Variants in WDR27 observed in about 807,000 individuals in gnomAD.
WDR27 encodes the protein WD repeat-containing protein 27.
A neutral mutation model predicts 114.4 loss-of-function variants in WDR27; 100 were observed. The ratio of observed to expected loss-of-function variants is 0.87; its 90% CI spans 0.74 to 1.03. The LOEUF (loss-of-function observed/expected upper bound fraction) is 1.03. Among genes scored for constraint, WDR27 ranks in the 50% least tolerant of loss-of-function variants. WDR27 has a pLI of 0.00. For synonymous variants in WDR27, 449 were observed against 423.1 expected (o/e 1.06, Z -0.75); for missense variants, 1,129 against 1,092.9 (o/e 1.03, Z -0.47).
At chr6:169,441,093 T>C in the WDR27 span, among the ~76,000 whole-genome samples, 4 of 152,186 alleles carry the variant, frequency 2.6e-5, no homozygotes, top group Admixed American at 6.5e-5. Flanking sequence ...TTTGAGATTA[T>C]TGACAATGCC....
intron 25 of WDR27, among the ~76,000 whole-genome samples, chr6:169,479,681 T>A (rs939791702): frequency 1.2e-4 from 18 of 152,274 alleles, no homozygotes; most frequent in Non-Finnish European, 1.2e-4. Flanking sequence ...TTATAACTAC[T>A]TATCAGCATT....
Position 169,602,309 on chromosome 6 carries a change from G to C in WDR27, c.2334C>G (p.His778Gln). ...AGCCGCGGGTTGGATGCCCTTCAAA[G>C]TGGCGCTCACACCTACAGGGAGGAA... ...WDLRTLRCER[H>Q]FEGHPTRGYP... Residue 778 changes from histidine to glutamine, a missense_variant, in exon 23 of 26, where the codon CAC becomes CAG. Physicochemically the swap from His to Gln is conservative, Grantham distance 24. Coordinates refer to ENST00000448612, the MANE Select transcript of WDR27 (RefSeq NM_182552.5). 1.3e-6 allele frequency: 2 copies of C among 1,552,340 alleles called. No homozygotes were observed. The highest frequency in any genetic ancestry group is 1.7e-6 in the Non-Finnish European group (2 of 1,144,812).
At chr6:169,617,331 T>C (rs1812093087) in intron 21 of WDR27, among the ~76,000 whole-genome samples, 1 of 152,162 alleles carries the variant, frequency 6.6e-6, no homozygotes, top group Non-Finnish European at 1.5e-5. Flanking sequence ...ATTGGTTCAA[T>C]CAAGTGTGAC....
intron 25 of WDR27, among the ~76,000 whole-genome samples, chr6:169,554,155 G>A (rs1196241500): frequency 2.0e-5 from 3 of 152,224 alleles, no homozygotes; most frequent in Non-Finnish European, 2.9e-5. Context: ...ACAGCAAAGG[G>A]CAGAGCTGAG....
chr6:169,588,899 A>G (rs1050302135), intron 23 of WDR27, among the ~76,000 whole-genome samples: 3 of 152,214 alleles, frequency 2.0e-5, no homozygotes, highest in Non-Finnish European at 4.4e-5. Flanking sequence ...TGAGGAAACC[A>G]TGACAGGTAG....
intron 25 of WDR27, among the ~76,000 whole-genome samples, chr6:169,548,755 C>G (rs1172327685): frequency 6.6e-6 from 1 of 152,146 alleles, no homozygotes; most frequent in Non-Finnish European, 1.5e-5. Context: ...CACATAAATA[C>G]AGCCAACAGA....
intron 17 of WDR27, among the ~76,000 whole-genome samples, chr6:169,641,873 G>A (rs1819268294): frequency 6.6e-6 from 1 of 152,256 alleles, no homozygotes; most frequent in African/African-American, 2.4e-5. Flanking sequence ...CGCGCAGCGC[G>A]CTCAGAAGCC....
At chr6:169,521,596 C>T (rs1409067838) in intron 25 of WDR27, among the ~76,000 whole-genome samples, 1 of 151,996 alleles carries the variant, frequency 6.6e-6, no homozygotes, top group Non-Finnish European at 1.5e-5. Context: ...ATAGCTACAG[C>T]GGCCTTTTAA....
intron 22 of WDR27, among the ~76,000 whole-genome samples, chr6:169,611,778 A>G (rs1584568885): frequency 6.6e-6 from 1 of 152,134 alleles, no homozygotes; most frequent in African/African-American, 2.4e-5. Context: ...TCCCCTCCAC[A>G]TCTGGTCCCA....
At position 169,636,436 on chromosome 6, in the gene WDR27, T is replaced by C. The variant is rs751289865; in HGVS notation, c.1938A>G (p.Leu646=). 6 of 1,613,856 alleles carry C rather than the reference T, an allele frequency of 3.7e-6. No individual in the cohort carries two copies. Among genetic ancestry groups the C allele is most frequent in the African/African-American group, 1.3e-5 (1 of 74,936 alleles). Residue 646 remains leucine (L), a synonymous_variant, in exon 19 of 26, where the codon TTA becomes TTG. Transcript: ENST00000448612. ...QFYYIDAFIL[L]SSGPEFQLLR... is the part of the protein sequence containing the mutation. ...GTAGCTGAAATTCAGGGCCAGAAGA[T>C]AACAATATAAAGGCATCTATATAAT...
At chr6:169,632,582 CA>C (rs11395642) in intron 21 of WDR27, among the ~76,000 whole-genome samples, 1 of 151,850 alleles carries the variant, frequency 6.6e-6, no homozygotes. Flanking sequence ...CCTCCACCTT[CA>C]AAAAAAAGCT....
At chr6:169,663,838 T>C in intron 8 of WDR27, 1 of 326,482 alleles carries the variant, frequency 3.1e-6, no homozygotes, top group East Asian at 6.7e-5. Context: ...TCATGCAGTG[T>C]ACCTTTCTGA....
chr6:169,659,121 G>A lies in WDR27; in HGVS notation c.1284C>T (p.Cys428=). 6.3e-7 allele frequency: 1 copy of A among 1,598,272 alleles called. No homozygotes were observed. Among genetic ancestry groups the A allele is most frequent in the Non-Finnish European group, 8.5e-7 (1 of 1,173,212 alleles). ...NPAALVRAQQ[C]PSMGQSLSVP... is the part of the protein sequence containing the mutation. Reference sequence around the variant, plus strand: ...CCGAGAGGCTCTGCCCCATGCTGGGGCACTGCTGAGCCCTGACTAGCGCGG... The same window carrying A: ...CCGAGAGGCTCTGCCCCATGCTGGGACACTGCTGAGCCCTGACTAGCGCGG... Residue 428 remains cysteine, a synonymous_variant, in exon 12 of 26, where the codon TGC becomes TGT. Transcript: ENST00000448612. The surrounding 1 kb of genome is among the most constrained non-coding windows in gnomAD (Gnocchi z 4.3).
At chr6:169,658,452 G>A in intron 12 of WDR27, 94 bp from the exon 13 acceptor site, 1 of 908,238 alleles carries the variant, frequency 1.1e-6, no homozygotes, top group East Asian at 2.7e-5. Flanking sequence ...AGTTCCAAAT[G>A]ACTGATTCCT....
At chr6:169,427,973 C>T in the WDR27 span, among the ~76,000 whole-genome samples, 1 of 152,044 alleles carries the variant, frequency 6.6e-6, no homozygotes, top group Non-Finnish European at 1.5e-5. Flanking sequence ...GGGGAGGAGG[C>T]GAGGCCCCAG....
intron 16 of WDR27, among the ~76,000 whole-genome samples, chr6:169,645,132 T>C (rs1449249751): frequency 3.6e-5 from 5 of 140,774 alleles, no homozygotes; most frequent in African/African-American, 1.3e-4. Context: ...GAAATCCTAG[T>C]TCATAGGACT....
rs114606160 is a variant in WDR27 at position 169,650,640 on chromosome 6, C to T, written c.1481+1290G>A. 8.0e-3 allele frequency among the ~76,000 whole-genome samples: 1,203 copies of T among 149,732 alleles called. 13 individuals are homozygous for T. The highest frequency in any genetic ancestry group is 0.028 in the African/African-American group (1,132 of 40,546). ...ATGCTCCCACTCATCCATCTCTTATCCCTCCATCCCCACCATCCATCCACC... is the reference window on the plus strand; with the variant it reads ...ATGCTCCCACTCATCCATCTCTTATTCCTCCATCCCCACCATCCATCCACC... On this transcript the variant is annotated intron_variant, in intron 14 of 25. Transcript: ENST00000448612.
intron 25 of WDR27, among the ~76,000 whole-genome samples, chr6:169,481,563 G>A (rs1788094090): frequency 6.6e-6 from 1 of 152,192 alleles, no homozygotes; most frequent in African/African-American, 2.4e-5. Flanking sequence ...CACCGCAAAA[G>A]TCTGCAGCTT....
the WDR27 span, chr6:169,426,967 GGGCAGTGGGGGGGGGGT>G: frequency 1.4e-5 from 2 of 144,376 alleles, 1 homozygote; most frequent in African/African-American, 5.0e-5. Context: ...GTGGTGGTGG[GGGCAGTGGGGGGGGGGT>G]GGCGGTTGCA....
Sources: allele counts gnomAD v4.1 joint callset (sites outside exome capture counted in the v4.1 genomes callset), GRCh38; gene constraint gnomAD v4.1.1; non-coding constraint Gnocchi (gnomAD v3.1); transcripts MANE v1.5; gene names NCBI Gene and HGNC (gene_info 2026-07-23, HGNC 2026-07-21).